ZNF609: variants seen among roughly 807,000 people sequenced by gnomAD.
ZNF609 encodes the protein zinc finger protein 609.
ZNF609 carries 11 observed loss-of-function variants against 109.5 expected under a neutral mutation model. The observed-to-expected ratio is 0.10, with a 90% CI of 0.06 to 0.17. ZNF609 has a LOEUF of 0.17. ZNF609 is among the 10% of genes least tolerant of loss of function. The probability of loss-of-function intolerance (pLI) is 1.00; values close to 1 mark genes in which losing one functional copy is unlikely to be tolerated. For synonymous variants in ZNF609, 646 were observed against 662.0 expected, an observed-to-expected ratio of 0.98 and a Z score of 0.37; for missense variants, 1,559 against 1,772.4, an observed-to-expected ratio of 0.88 and a Z score of 2.16.
chr15:64,551,544 C>G (rs1398791205), intron 2 of ZNF609, among the ~76,000 whole-genome samples: 1 of 150,952 alleles, frequency 6.6e-6, no homozygotes, highest in Non-Finnish European at 1.5e-5. Context: ...CCCAGCTACT[C>G]GGGAGGCTGA....
chr15:64,675,851 G>T lies in ZNF609; in HGVS notation c.2997G>T (p.Thr999=). The change falls in exon 5 of 10, where the codon ACG becomes ACT. Residue 999 remains threonine (T), a synonymous_variant. Transcript: ENST00000326648. ...ACACCCACCTTCTGAGCACTAACACGGCTTACCGGCAGCAGTACGAAGAAC... is the reference window on the plus strand; with the variant it reads ...ACACCCACCTTCTGAGCACTAACACTGCTTACCGGCAGCAGTACGAAGAAC... ...SYHTHLLSTN[T]AYRQQYEEQQ... The T allele has an allele frequency of 6.2e-7, 1 of 1,614,154 alleles. No homozygotes were observed. Among genetic ancestry groups the T allele is most frequent in the Non-Finnish European group, 8.5e-7 (1 of 1,180,030 alleles).
intron 2 of ZNF609, among the ~76,000 whole-genome samples, chr15:64,522,881 C>G (rs1463176872): frequency 6.7e-6 from 1 of 149,884 alleles, no homozygotes; most frequent in African/African-American, 2.5e-5. Context: ...GTGTAATTTT[C>G]TATATGGATT....
intron 2 of ZNF609, among the ~76,000 whole-genome samples, chr15:64,605,783 G>T (rs944672261): frequency 7.1e-6 from 1 of 140,212 alleles, no homozygotes; most frequent in African/African-American, 2.7e-5. Flanking sequence ...GCCCAGGCTT[G>T]AGTGCAGTGG....
intron 3 of ZNF609, among the ~76,000 whole-genome samples, chr15:64,641,219 C>CTTTTTTTTTTTTTTT (rs34007985): frequency 0.027 from 1,866 of 68,694 alleles, 204 homozygotes; most frequent in African/African-American, 0.032. Context: ...CTTGTGCTTT[C>CTTTTTTTTTTTTTTT]TTTTTTTTTT....
chr15:64,611,849 C>G (rs1895720776), intron 2 of ZNF609, among the ~76,000 whole-genome samples: 1 of 151,426 alleles, frequency 6.6e-6, no homozygotes, highest in Non-Finnish European at 1.5e-5. Flanking sequence ...TTCTCTGCCT[C>G]AGCCTCCCGA....
At chr15:64,677,003 T>A (rs1896819060) in intron 5 of ZNF609, among the ~76,000 whole-genome samples, 1 of 152,088 alleles carries the variant, frequency 6.6e-6, no homozygotes, top group African/African-American at 2.4e-5. Context: ...TCCACCCACC[T>A]CGGCCTCCCA....
At position 64,581,319 on chromosome 15, in the gene ZNF609, C is replaced by CT. The variant is rs372373849; in HGVS notation, c.748-41501dup. On this transcript the variant is annotated intron_variant, in intron 2 of 9. Transcript: ENST00000326648. ...CGTCCTTGTGCATACATGTGGCTTG[C>CT]TTTTTTTAAAGATTTTCTTCTACTC... Among the ~76,000 whole-genome samples the CT allele has an allele frequency of 1.1e-3, 164 of 152,086 alleles. 1 individual carries two copies. The South Asian group carries it at 0.025, about 23-fold the overall frequency.
At chr15:64,502,604 C>A (rs1893577777) in intron 2 of ZNF609, 1 of 152,136 alleles carries the variant, frequency 6.6e-6, no homozygotes. Context: ...GGATAACAAA[C>A]AGAACCAAAA....
chr15:64,469,066 T>C (rs1158982961), intron 1 of ZNF609, among the ~76,000 whole-genome samples: 1 of 63,426 alleles, frequency 1.6e-5, no homozygotes, highest in Non-Finnish European at 3.9e-5. Context: ...ACAACACAAT[T>C]CAGCCTGGCC....
intron 2 of ZNF609, among the ~76,000 whole-genome samples, chr15:64,506,407 G>A (rs950175114): frequency 6.7e-6 from 1 of 149,626 alleles, no homozygotes; most frequent in Non-Finnish European, 1.5e-5. Flanking sequence ...ACAGGCATGA[G>A]CCGTCACACC....
At chr15:64,594,356 G>A (rs1287855993) in intron 2 of ZNF609, among the ~76,000 whole-genome samples, 4 of 148,878 alleles carry the variant, frequency 2.7e-5, no homozygotes, top group Admixed American at 2.7e-4. Flanking sequence ...TTTTTGACAC[G>A]GGGTCTCACT....
intron 2 of ZNF609, among the ~76,000 whole-genome samples, chr15:64,610,065 G>A (rs1895692573): frequency 6.6e-6 from 1 of 151,992 alleles, no homozygotes; most frequent in Non-Finnish European, 1.5e-5. Context: ...CCTGCAAGGT[G>A]AAGTGTCACA....
At chr15:64,464,999 C>G (rs1225164544) in intron 1 of ZNF609, among the ~76,000 whole-genome samples, 1 of 152,000 alleles carries the variant, frequency 6.6e-6, no homozygotes, top group Non-Finnish European at 1.5e-5. Context: ...GAAAGAGATT[C>G]TTCTGTAACT....
Position 64,675,495 on chromosome 15 carries a change from C to T in ZNF609, c.2641C>T (p.Pro881Ser). The T allele has an allele frequency of 6.2e-7, 1 of 1,614,012 alleles. No individual in the cohort carries two copies. The highest frequency in any genetic ancestry group is 8.5e-7 in the Non-Finnish European group (1 of 1,179,992). ...AGAAGGGGCTAAGAAAACTCTTTTT[C>T]CCCCTCAGCCTCAGAGCAAAGACTC... is the stretch of plus-strand genomic sequence containing the variant. The part of the protein sequence containing the change: ...VKEGAKKTLF[P>S]PQPQSKDSPY... The change falls in exon 5 of 10, where the codon CCC becomes TCC. Residue 881 changes from proline to serine, a missense_variant. Physicochemically the swap from Pro to Ser is moderately conservative, Grantham distance 74. Transcript: ENST00000326648.
At chr15:64,598,740 GTGTATATATATATATATATATA>G (rs1217776291) in intron 2 of ZNF609, among the ~76,000 whole-genome samples, 45 of 84,720 alleles carry the variant, frequency 5.3e-4, no homozygotes, top group African/African-American at 2.0e-3. Flanking sequence ...ATCTTTGTGT[GTGTATATATATATATATATATA>G]TATATATATA....
At chr15:64,648,773 G>A (rs1307004640) in intron 3 of ZNF609, among the ~76,000 whole-genome samples, 1 of 151,056 alleles carries the variant, frequency 6.6e-6, no homozygotes, top group Non-Finnish European at 1.5e-5. Flanking sequence ...AAAAAATTAG[G>A]GAAAGCAACC....
intron 2 of ZNF609, among the ~76,000 whole-genome samples, chr15:64,515,091 A>T (rs903467390): frequency 1.3e-5 from 2 of 152,202 alleles, no homozygotes; most frequent in African/African-American, 4.8e-5. Context: ...TTCTCAAATA[A>T]AAATAACCAG....
intron 2 of ZNF609, among the ~76,000 whole-genome samples, chr15:64,526,104 CTTTTTT>C (rs536172253): frequency 1.5e-5 from 2 of 132,380 alleles, no homozygotes; most frequent in Non-Finnish European, 3.3e-5. Context: ...TTTTTCTTTT[CTTTTTT>C]TTTTTTTTTT....
chr15:64,470,101 T>G (rs1165857862), intron 1 of ZNF609, among the ~76,000 whole-genome samples: 1 of 152,208 alleles, frequency 6.6e-6, no homozygotes, highest in African/African-American at 2.4e-5. Flanking sequence ...AATAAAATTA[T>G]GTTGTTATTT....
Sources: allele counts gnomAD v4.1 joint callset (sites outside exome capture counted in the v4.1 genomes callset), GRCh38; gene constraint gnomAD v4.1.1; transcripts MANE v1.5; gene names NCBI Gene and HGNC (gene_info 2026-07-23, HGNC 2026-07-21).